The following CCDC102B variants were observed in gnomAD, a reference collection of about 807,000 sequenced individuals.
CCDC102B encodes coiled-coil domain containing 102B.
A neutral mutation model predicts 57.4 loss-of-function variants in CCDC102B; 75 were observed. The ratio of observed to expected loss-of-function variants is 1.31; its 90% CI spans 1.08 to 1.58. The LOEUF is 1.58. CCDC102B is among the 40% of genes most tolerant of loss of function. The probability of loss-of-function intolerance (pLI) is 0.00; values close to 1 mark genes in which losing one functional copy is unlikely to be tolerated. For synonymous variants in CCDC102B, 206 were observed against 201.9 expected, an observed-to-expected ratio of 1.02 and a Z score of -0.17; for missense variants, 636 against 582.6, an observed-to-expected ratio of 1.09 and a Z score of -0.94.
chr18:68,963,088 A>G (rs2050083703), intron 6 of CCDC102B, among the ~76,000 whole-genome samples: 1 of 152,012 alleles, frequency 6.6e-6, no homozygotes, highest in African/African-American at 2.4e-5. Flanking sequence ...AGAGAAAAAT[A>G]TGTCTCACTA....
At chr18:68,719,686 A>G (rs2032221143) in intron 2 of CCDC102B, among the ~76,000 whole-genome samples, 1 of 152,232 alleles carries the variant, frequency 6.6e-6, no homozygotes, top group South Asian at 2.1e-4. Context: ...ACATCCTCAT[A>G]GACACGCCTA....
chr18:68,970,750 C>T (rs1188888588), intron 6 of CCDC102B, among the ~76,000 whole-genome samples: 1 of 152,076 alleles, frequency 6.6e-6, no homozygotes, highest in East Asian at 1.9e-4. Context: ...TTTCAAATAA[C>T]ATCGTCTGTC....
rs148748337 is a variant in CCDC102B, at chr18:69,039,058, CAG to C, written c.1435-14971_1435-14970del. On this transcript the variant is annotated intron_variant, in intron 7 of 7. Transcript: ENST00000360242. The stretch of plus-strand genomic sequence containing the variant: ...CTAAAGGACCATTCAGACAGTGCAA[CAG>C]GGGGGTTCCTGTGCTTACCACGTTG... 7.9e-3 allele frequency among the ~76,000 whole-genome samples: 1,202 copies of C among 152,076 alleles called. 14 individuals are homozygous for C. The highest frequency in any genetic ancestry group is 0.028 in the African/African-American group (1,147 of 41,522).
intron 6 of CCDC102B, among the ~76,000 whole-genome samples, chr18:68,942,874 A>G (rs1450208451): frequency 2.9e-5 from 4 of 136,836 alleles, no homozygotes; most frequent in Non-Finnish European, 4.9e-5. Flanking sequence ...GCCATGTTTC[A>G]GACTATCACA....
chr18:68,808,641 A>C (rs1015751891), intron 1 of CCDC102B, among the ~76,000 whole-genome samples: 13 of 151,682 alleles, frequency 8.6e-5, no homozygotes, highest in East Asian at 5.8e-4. Context: ...CCACGCCCGG[A>C]TAATTTTTTT....
chr18:68,909,012 T>C (rs540629607), intron 6 of CCDC102B, among the ~76,000 whole-genome samples: 1 of 151,926 alleles, frequency 6.6e-6, no homozygotes, highest in East Asian at 1.9e-4. Context: ...TTTCTTAAAC[T>C]AGACTATCCA....
chr18:68,784,828 T>C (rs1470427442), intron 2 of CCDC102B, among the ~76,000 whole-genome samples: 1 of 148,982 alleles, frequency 6.7e-6, no homozygotes. Flanking sequence ...ATTACTGTTT[T>C]GGTAACTTTT....
At chr18:68,962,838 CAT>C (rs559580368) in intron 6 of CCDC102B, among the ~76,000 whole-genome samples, 70 of 152,076 alleles carry the variant, frequency 4.6e-4, no homozygotes, top group Admixed American at 7.2e-4. Flanking sequence ...TCCAATGAGT[CAT>C]ATACACTGGC....
chr18:68,815,770 G>A (rs2036451015), intron 1 of CCDC102B, among the ~76,000 whole-genome samples: 1 of 151,388 alleles, frequency 6.6e-6, no homozygotes, highest in South Asian at 2.1e-4. Context: ...ATAGATATAA[G>A]ATGTATGTAT....
rs2052790876 is a variant in CCDC102B, at chr18:69,054,936, A to T, written c.*799A>T. The T allele has an allele frequency of 1.0e-6, 1 of 984,960 alleles. No homozygotes were observed. Among genetic ancestry groups the T allele is most frequent in the Non-Finnish European group, 1.2e-6 (1 of 829,698 alleles). 61.0% of individuals were successfully genotyped at this position (984,960 alleles called of 1,614,324 possible). A position where few individuals can be genotyped will look rare whatever the true frequency, so the allele number is the denominator to read the frequency against. ...AAAATTAGGAAATTGTGGTTATGTG[A>T]ATATTTCTTTAAAACTTTTATGTAC... On this transcript the variant is annotated 3_prime_UTR_variant, in exon 8 of 8. Transcript: ENST00000360242.
chr18:68,811,855 A>G (rs1052239319), intron 1 of CCDC102B, among the ~76,000 whole-genome samples: 2 of 152,194 alleles, frequency 1.3e-5, no homozygotes, highest in African/African-American at 4.8e-5. Flanking sequence ...TGGACCTGGA[A>G]GGTAATGTCT....
chr18:68,902,507 A>G (rs2040490430), intron 6 of CCDC102B, among the ~76,000 whole-genome samples: 1 of 152,180 alleles, frequency 6.6e-6, no homozygotes. Flanking sequence ...TTATAGATAT[A>G]TAGGACCTTT....
At chr18:68,840,062 T>C (rs138719071) in intron 3 of CCDC102B, among the ~76,000 whole-genome samples, 18 of 152,278 alleles carry the variant, frequency 1.2e-4, no homozygotes, top group Admixed American at 2.0e-4. Flanking sequence ...AGAATAGTAA[T>C]ATGAAATGTT....
exon 1 of CCDC102B, chr18:68,715,356 G>A (rs1294572147): frequency 5.6e-6 from 4 of 718,224 alleles, no homozygotes; most frequent in Admixed American, 1.0e-4. Context: ...TTATGCTGAG[G>A]GTGAGGTAGG....
chr18:69,011,545 G>T (rs1162657864), intron 7 of CCDC102B, among the ~76,000 whole-genome samples: 1 of 150,504 alleles, frequency 6.6e-6, no homozygotes, highest in East Asian at 2.0e-4. Flanking sequence ...GTTTTGTTAG[G>T]TCAACTCAAT....
intron 6 of CCDC102B, among the ~76,000 whole-genome samples, chr18:68,940,290 G>A (rs761904495): frequency 4.6e-5 from 7 of 151,780 alleles, no homozygotes; most frequent in African/African-American, 1.4e-4. Context: ...ATAATAATAT[G>A]TATCTCTTAG....
chr18:68,729,547 G>A (rs759769288), intron 2 of CCDC102B, among the ~76,000 whole-genome samples: 2 of 152,164 alleles, frequency 1.3e-5, no homozygotes, highest in African/African-American at 4.8e-5. Context: ...GATATATCAC[G>A]TTGGAGAAAA....
chr18:68,940,173 A>G (rs889163867), intron 6 of CCDC102B, among the ~76,000 whole-genome samples: 18 of 151,822 alleles, frequency 1.2e-4, no homozygotes, highest in Admixed American at 7.2e-4. Flanking sequence ...GAATTCTACT[A>G]AAATGAGTCA....
chr18:68,958,054 G>GCA (rs2049951051), intron 6 of CCDC102B, among the ~76,000 whole-genome samples: 2 of 152,098 alleles, frequency 1.3e-5, no homozygotes, highest in Non-Finnish European at 2.9e-5. Context: ...TGAAAGGCAT[G>GCA]TCTCACATGC....
Sources: gnomAD v4.1 joint callset for allele counts (sites outside exome capture counted in the v4.1 genomes callset) on GRCh38, gnomAD v4.1.1 for gene constraint, MANE v1.5 for transcripts, NCBI Gene and HGNC (gene_info 2026-07-23, HGNC 2026-07-21) for gene names.